Variants in IMMP2L observed in about 807,000 individuals in gnomAD.
The protein encoded by IMMP2L is mitochondrial inner membrane protease subunit 2.
IMMP2L carries 18 observed loss-of-function variants against 19.3 expected under a neutral mutation model. The observed-to-expected ratio is 0.93, with a 90% CI of 0.64 to 1.38. IMMP2L has a LOEUF of 1.38. Ranked by LOEUF, IMMP2L falls within the 40% of genes most tolerant of loss-of-function variation. IMMP2L has a pLI of 0.00. For synonymous variants in IMMP2L, 76 were observed against 73.0 expected, an observed-to-expected ratio of 1.04 and a Z score of -0.21; for missense variants, 233 against 218.2, an observed-to-expected ratio of 1.07 and a Z score of -0.43.
At chr7:110,984,535 A>C (rs1236225974) in intron 3 of IMMP2L, among the ~76,000 whole-genome samples, 2 of 152,130 alleles carry the variant, frequency 1.3e-5, no homozygotes, top group African/African-American at 4.8e-5. Context: ...AATAGGGACT[A>C]AATTTGAAAA....
At chr7:110,908,566 C>T (rs192812962) in intron 4 of IMMP2L, among the ~76,000 whole-genome samples, 3 of 152,230 alleles carry the variant, frequency 2.0e-5, no homozygotes, top group African/African-American at 7.2e-5. Flanking sequence ...AACCATGCAG[C>T]GTGAGAAAGT....
intron 5 of IMMP2L, among the ~76,000 whole-genome samples, chr7:110,822,519 T>C (rs1803128147): frequency 6.6e-6 from 1 of 152,120 alleles, no homozygotes; most frequent in Admixed American, 6.6e-5. Context: ...ACTTGTCCAC[T>C]AAGAAATTTT....
At chr7:111,331,222 TAC>T (rs1825842194) in intron 3 of IMMP2L, among the ~76,000 whole-genome samples, 1 of 151,962 alleles carries the variant, frequency 6.6e-6, no homozygotes, top group African/African-American at 2.4e-5. Flanking sequence ...GTGGTAAATA[TAC>T]ACAGTGAAAT....
intron 3 of IMMP2L, among the ~76,000 whole-genome samples, chr7:111,043,940 G>T (rs963244649): frequency 1.3e-5 from 2 of 152,184 alleles, no homozygotes; most frequent in African/African-American, 4.8e-5. Flanking sequence ...ATAGGGGTAT[G>T]TAAGAATGTT....
intron 5 of IMMP2L, among the ~76,000 whole-genome samples, chr7:110,691,565 T>A (rs1296754130): frequency 2.0e-5 from 3 of 151,886 alleles, no homozygotes; most frequent in Admixed American, 6.6e-5. Flanking sequence ...ACACATCTGA[T>A]AAAGGACTAA....
In IMMP2L at chr7:111,363,239, G is replaced by A. The variant is rs1829429166; in HGVS notation, c.239+123999C>T. On this transcript the variant is annotated intron_variant, in intron 3 of 5. Transcript: ENST00000405709. ...TCTAAATCCTTGCTACTCAAAGTAT[G>A]GACTTCAGGACAAGAGCATAAAGCA... 2.6e-5 allele frequency among the ~76,000 whole-genome samples: 4 copies of A among 152,098 alleles called. No homozygotes were observed. The South Asian group carries it at 8.3e-4, about 32-fold the overall frequency.
At chr7:110,807,145 G>A (rs1801687577) in intron 5 of IMMP2L, among the ~76,000 whole-genome samples, 1 of 151,900 alleles carries the variant, frequency 6.6e-6, no homozygotes. Flanking sequence ...AACCTAATAT[G>A]CTCTAATTTT....
intron 5 of IMMP2L, among the ~76,000 whole-genome samples, chr7:110,681,244 T>C (rs1792693967): frequency 6.6e-6 from 1 of 152,098 alleles, no homozygotes; most frequent in South Asian, 2.1e-4. Flanking sequence ...CTTCAAAACC[T>C]ATTACTGGCT....
chr7:111,536,866 A>G (rs370362792), intron 1 of IMMP2L, among the ~76,000 whole-genome samples: 1 of 152,180 alleles, frequency 6.6e-6, no homozygotes, highest in African/African-American at 2.4e-5. Context: ...TTTAAAATGT[A>G]CAATGTTTTA....
chr7:111,445,640 A>G lies in IMMP2L; in HGVS notation c.239+41598T>C, dbSNP rs548246289. Among the ~76,000 whole-genome samples the G allele has an allele frequency of 2.6e-5, 4 of 152,280 alleles. No individual in the cohort carries two copies. The South Asian group carries it at 8.3e-4, about 32-fold the overall frequency. ...GGTTTCAGATTACATGATCCCTTTTATGGAGTGCTAAAAGGGCGGAGATTG... is the reference window on the plus strand; with the variant it reads ...GGTTTCAGATTACATGATCCCTTTTGTGGAGTGCTAAAAGGGCGGAGATTG... On this transcript the variant is annotated intron_variant, in intron 3 of 5. Transcript: ENST00000405709.
chr7:110,961,069 C>T (rs899915104), intron 4 of IMMP2L, among the ~76,000 whole-genome samples: 2 of 151,836 alleles, frequency 1.3e-5, no homozygotes, highest in Admixed American at 1.3e-4. Context: ...AAACTAGATT[C>T]CTTATGCATT....
chr7:111,241,231 C>T (rs1209240313), intron 3 of IMMP2L, among the ~76,000 whole-genome samples: 1 of 151,814 alleles, frequency 6.6e-6, no homozygotes, highest in Non-Finnish European at 1.5e-5. Context: ...CTCCAAGTCA[C>T]TATGGATGTG....
intron 3 of IMMP2L, among the ~76,000 whole-genome samples, chr7:111,234,521 C>G (rs540115754): frequency 6.6e-6 from 1 of 152,042 alleles, no homozygotes; most frequent in African/African-American, 2.4e-5. Flanking sequence ...ATGAACTAAC[C>G]CTTCTATCAT....
rs1295263675 is a variant in IMMP2L, at chr7:110,803,918, A to C, written c.408+82675T>G. 2.6e-5 allele frequency among the ~76,000 whole-genome samples: 4 copies of C among 152,078 alleles called. No individual in the cohort carries two copies. Among genetic ancestry groups the C allele is most frequent in the African/African-American group, 9.7e-5 (4 of 41,446 alleles). On this transcript the variant is annotated intron_variant, in intron 5 of 5. Coordinates refer to ENST00000405709, the MANE Select transcript of IMMP2L (RefSeq NM_032549.4). The surrounding 1 kb of genome is among the most constrained non-coding windows in gnomAD (Gnocchi z 4.2). Reference sequence around the variant, plus strand: ...AGTCTGGGGGTGGGGCCATGCAGGAATCTGTTTACCTAGTCTTCTTGGTGA... The same window carrying C: ...AGTCTGGGGGTGGGGCCATGCAGGACTCTGTTTACCTAGTCTTCTTGGTGA...
At chr7:110,966,591 T>C (rs951209661) in intron 3 of IMMP2L, among the ~76,000 whole-genome samples, 3 of 151,990 alleles carry the variant, frequency 2.0e-5, no homozygotes, top group African/African-American at 4.8e-5. Flanking sequence ...TGAGGCAAAA[T>C]AGAGTATGCA....
chr7:111,226,119 T>A (rs1400325196), intron 3 of IMMP2L, among the ~76,000 whole-genome samples: 1 of 152,006 alleles, frequency 6.6e-6, no homozygotes, highest in Admixed American at 6.6e-5. Context: ...TCCCTTTTTT[T>A]CCCATTCTGT....
chr7:111,358,487 A>G (rs921827994), intron 3 of IMMP2L, among the ~76,000 whole-genome samples: 9 of 152,012 alleles, frequency 5.9e-5, no homozygotes. Flanking sequence ...CCCTAACACA[A>G]TAATCTTTGG....
intron 5 of IMMP2L, among the ~76,000 whole-genome samples, chr7:110,712,188 G>A (rs1178030787): frequency 7.4e-6 from 1 of 135,830 alleles, no homozygotes; most frequent in East Asian, 2.6e-4. Context: ...ATGGGTTTTC[G>A]GTGTAGATGT....
chr7:111,458,419 AAATAAACAT>A (rs572855614), intron 3 of IMMP2L, among the ~76,000 whole-genome samples: 109 of 152,214 alleles, frequency 7.2e-4, no homozygotes, highest in African/African-American at 2.5e-3. Flanking sequence ...ATTCTGTCAA[AAATAAACAT>A]AATATGCTTT....
Sources: allele counts gnomAD v4.1 joint callset (sites outside exome capture counted in the v4.1 genomes callset), GRCh38; gene constraint gnomAD v4.1.1; non-coding constraint Gnocchi (gnomAD v3.1); transcripts MANE v1.5; gene names NCBI Gene and HGNC (gene_info 2026-07-23, HGNC 2026-07-21).